MALRD1: variants seen among roughly 807,000 people sequenced by gnomAD.
MALRD1 encodes MAM and LDL receptor class A domain containing 1, also known as MAM and LDL-receptor class A domain-containing protein 1.
Under a neutral mutation model 242.1 loss-of-function variants are expected in MALRD1, and 247 were observed. That is an observed-to-expected ratio of 1.02 (90% confidence interval 0.92 to 1.13). The LOEUF is 1.13. Ranked by LOEUF, MALRD1 falls within the 50% of genes most tolerant of loss-of-function variation. The pLI, the probability that MALRD1 is intolerant of heterozygous loss-of-function variation, is 0.00. For missense variants in MALRD1, 2,989 were observed against 2,533.1 expected (o/e 1.18, Z -3.86); for synonymous variants, 995 against 866.6 (o/e 1.15, Z -2.60).
chr10:19,176,660 C>T (rs1232907808), intron 14 of MALRD1, among the ~76,000 whole-genome samples: 1 of 151,888 alleles, frequency 6.6e-6, no homozygotes, highest in Non-Finnish European at 1.5e-5. Flanking sequence ...AGGCGTGAGC[C>T]ACCGCGCCCG....
intron 28 of MALRD1, among the ~76,000 whole-genome samples, chr10:19,448,962 C>G (rs1389649275): frequency 1.3e-5 from 2 of 152,116 alleles, no homozygotes; most frequent in East Asian, 1.9e-4. Flanking sequence ...CTCCTTTTCT[C>G]TTTTCCTCTG....
intron 35 of MALRD1, among the ~76,000 whole-genome samples, chr10:19,608,552 T>C (rs182350783): frequency 1.3e-5 from 2 of 152,148 alleles, no homozygotes; most frequent in Admixed American, 1.3e-4. Context: ...AACAGATCAT[T>C]AAAGGTAATA....
intron 21 of MALRD1, 135 bp from the exon 22 acceptor site, chr10:19,323,814 G>A (rs1843001070): frequency 1.4e-6 from 1 of 691,450 alleles, no homozygotes; most frequent in South Asian, 2.0e-5. Flanking sequence ...TTTCATCATG[G>A]TAGCCAGGCT....
At chr10:19,654,278 TA>T (rs1841036173) in intron 36 of MALRD1, among the ~76,000 whole-genome samples, 1 of 149,322 alleles carries the variant, frequency 6.7e-6, no homozygotes, top group Non-Finnish European at 1.5e-5. Flanking sequence ...AAAACAATTT[TA>T]TCAAAAAAGT....
intron 36 of MALRD1, among the ~76,000 whole-genome samples, chr10:19,626,712 G>T (rs1275586105): frequency 6.7e-6 from 1 of 149,710 alleles, no homozygotes; most frequent in Non-Finnish European, 1.5e-5. Flanking sequence ...CCTCACAGAA[G>T]ACCTAAATAA....
chr10:19,610,675 G>T (rs914989023), intron 35 of MALRD1, among the ~76,000 whole-genome samples: 1 of 152,034 alleles, frequency 6.6e-6, no homozygotes, highest in Non-Finnish European at 1.5e-5. Context: ...GCAAGCAGTT[G>T]TAGAAATTCT....
chr10:19,252,060 CTT>C (rs1417315095), intron 18 of MALRD1, among the ~76,000 whole-genome samples: 1 of 152,004 alleles, frequency 6.6e-6, no homozygotes, highest in Non-Finnish European at 1.5e-5. Context: ...AACCTCTTTT[CTT>C]TATAGATTAC....
chr10:19,681,591 T>C (rs1366244564), intron 36 of MALRD1, among the ~76,000 whole-genome samples: 1 of 152,134 alleles, frequency 6.6e-6, no homozygotes, highest in African/African-American at 2.4e-5. Context: ...CTTCTTTGCA[T>C]TGGGTTAGAA....
chr10:19,563,415 A>G (rs1337627135), intron 32 of MALRD1, among the ~76,000 whole-genome samples: 4 of 152,206 alleles, frequency 2.6e-5, no homozygotes, highest in Non-Finnish European at 5.9e-5. Context: ...ACTTCTAATG[A>G]TTAAGCAGTA....
chr10:19,671,072 G>A (rs868284599), intron 36 of MALRD1, among the ~76,000 whole-genome samples: 68 of 151,862 alleles, frequency 4.5e-4, no homozygotes, highest in African/African-American at 1.6e-3. Context: ...TTTATTTTTA[G>A]TAGAGACAGG....
intron 21 of MALRD1, chr10:19,291,462 G>A (rs1040736095): frequency 6.6e-6 from 1 of 151,964 alleles, no homozygotes; most frequent in African/African-American, 2.4e-5. Flanking sequence ...TGGATCACTT[G>A]AGCCCAGGAA....
intron 18 of MALRD1, among the ~76,000 whole-genome samples, chr10:19,255,528 G>T (rs1169402295): frequency 6.6e-6 from 1 of 151,898 alleles, no homozygotes; most frequent in African/African-American, 2.4e-5. Flanking sequence ...TCATAACTTT[G>T]TTGCTGAAGT....
At chr10:19,136,005 T>A (rs981821614) in intron 9 of MALRD1, among the ~76,000 whole-genome samples, 3 of 152,230 alleles carry the variant, frequency 2.0e-5, no homozygotes, top group African/African-American at 7.2e-5. Context: ...AAATTACTCT[T>A]TTATGTAAGT....
At chr10:19,418,219 G>T (rs1044352138) in intron 28 of MALRD1, among the ~76,000 whole-genome samples, 12 of 152,006 alleles carry the variant, frequency 7.9e-5, no homozygotes. Flanking sequence ...CTAGGAAAGA[G>T]ATATATTCAG....
chr10:19,260,017 G>A (rs1448841519), intron 19 of MALRD1, among the ~76,000 whole-genome samples: 1 of 152,084 alleles, frequency 6.6e-6, no homozygotes, highest in African/African-American at 2.4e-5. Context: ...ACACATACTA[G>A]TACTCAACAA....
At chr10:19,278,770 C>A in intron 19 of MALRD1, among the ~76,000 whole-genome samples, 1 of 152,098 alleles carries the variant, frequency 6.6e-6, no homozygotes, top group East Asian at 1.9e-4. Context: ...AGGAAAGACA[C>A]ACACACAATA....
chr10:19,220,484 A>G, intron 18 of MALRD1, among the ~76,000 whole-genome samples: 1 of 152,244 alleles, frequency 6.6e-6, no homozygotes, highest in East Asian at 1.9e-4. Context: ...ATAAAGAAAA[A>G]TAACTATTTC....
chr10:19,141,847 T>A (rs959497303), intron 10 of MALRD1, among the ~76,000 whole-genome samples: 2 of 152,092 alleles, frequency 1.3e-5, no homozygotes, highest in Admixed American at 1.3e-4. Flanking sequence ...TAATTTTTAC[T>A]GTGATATTGT....
chr10:19,607,004 A>T (rs893799360), intron 34 of MALRD1, among the ~76,000 whole-genome samples: 4 of 152,142 alleles, frequency 2.6e-5, no homozygotes, highest in African/African-American at 9.6e-5. Flanking sequence ...GTATACAGAA[A>T]GGTAAAGTGC....
Sources: allele counts gnomAD v4.1 joint callset (sites outside exome capture counted in the v4.1 genomes callset), GRCh38; gene constraint gnomAD v4.1.1; transcripts MANE v1.5; gene names NCBI Gene and HGNC (gene_info 2026-07-23, HGNC 2026-07-21).